The following MAPK8IP1 variants were observed in gnomAD, a reference collection of about 807,000 sequenced individuals.
The protein encoded by MAPK8IP1 is C-Jun-amino-terminal kinase-interacting protein 1.
A neutral mutation model predicts 72.6 loss-of-function variants in MAPK8IP1; 17 were observed. The observed-to-expected ratio is 0.23, with a 90% CI of 0.16 to 0.35. The LOEUF (loss-of-function observed/expected upper bound fraction) is 0.35. Ranked by LOEUF, MAPK8IP1 falls within the 10% of genes least tolerant of loss-of-function variation. MAPK8IP1 has a pLI of 1.00. For missense variants in MAPK8IP1, 789 were observed against 1,009.7 expected, an observed-to-expected ratio of 0.78 and a Z score of 2.96; for synonymous variants, 401 against 443.4, an observed-to-expected ratio of 0.90 and a Z score of 1.20.
Position 45,906,050 on chromosome 11 carries a change from C to T in MAPK8IP1, c.*329C>T. 1 of 492,400 alleles carries T rather than the reference C, an allele frequency of 2.0e-6. No homozygotes were observed. Among genetic ancestry groups the T allele is most frequent in the Non-Finnish European group, 3.7e-6 (1 of 270,978 alleles). 30.5% of individuals were successfully genotyped at this position (492,400 alleles called of 1,614,324 possible). Reference sequence around the variant, plus strand: ...CCTGCCCCATCCTGGGCCTTACCTCCCCTGCCAGGGCTCGGGCGCTGTGGC... The same window carrying T: ...CCTGCCCCATCCTGGGCCTTACCTCTCCTGCCAGGGCTCGGGCGCTGTGGC... On this transcript the variant is annotated 3_prime_UTR_variant, in exon 12 of 12. Transcript: ENST00000241014.
Position 45,902,679 on chromosome 11 carries a change from G to C in MAPK8IP1, c.912G>C (p.Glu304Asp). Residue 304 changes from glutamate (E) to aspartate (D), a missense_variant, in exon 5 of 12, where the codon GAG (glutamate) becomes GAC (aspartate). By Grantham distance (45) the Glu-to-Asp change is conservative. Around this residue, in one of 4 missense-constraint regions of MAPK8IP1, gnomAD observed 377 missense variants for 411.7 expected, o/e 0.92. Coordinates refer to ENST00000241014, the MANE Select transcript of MAPK8IP1 (RefSeq NM_005456.4). The surrounding 1 kb of genome is among the most constrained non-coding windows in gnomAD (Gnocchi z 9.3). The part of the protein sequence containing the change: ...EPTSAFLPPT[E>D]SRMSVSSDPD... ...CCTCCGCCTTCCTGCCGCCCACTGAGAGCCGGATGTCAGTCAGCTCCGATC... is the reference window on the plus strand; with the variant it reads ...CCTCCGCCTTCCTGCCGCCCACTGACAGCCGGATGTCAGTCAGCTCCGATC... 6.2e-7 allele frequency: 1 copy of C among 1,611,726 alleles called. No homozygotes were observed. Among genetic ancestry groups the C allele is most frequent in the Non-Finnish European group, 8.5e-7 (1 of 1,179,912 alleles).
In MAPK8IP1 at chr11:45,904,684, C is replaced by T. The variant is rs17847258; in HGVS notation, c.1777-34C>T. 1.1e-5 allele frequency: 18 copies of T among 1,608,764 alleles called. No homozygotes were observed. In the East Asian group the frequency reaches 2.0e-4, roughly 18 times the overall value. On this transcript the variant is annotated intron_variant, in intron 8 of 11. Transcript: ENST00000241014. The surrounding 1 kb of genome is among the most constrained non-coding windows in gnomAD (Gnocchi z 6.4). ...CAGGAGGGATCAGCAGAGGAACAGACAGCAGCTGACGTGGCTCCATTTGTC... is the reference window on the plus strand; with the variant it reads ...CAGGAGGGATCAGCAGAGGAACAGATAGCAGCTGACGTGGCTCCATTTGTC...
At chr11:45,887,599 A>G (rs1348462550) in intron 1 of MAPK8IP1, among the ~76,000 whole-genome samples, 3 of 152,238 alleles carry the variant, frequency 2.0e-5, no homozygotes, top group African/African-American at 7.2e-5. Flanking sequence ...CCTCTGGCCC[A>G]GTGGGCAGCT....
intron 2 of MAPK8IP1, among the ~76,000 whole-genome samples, chr11:45,899,353 T>A (rs1032740430): frequency 6.6e-6 from 1 of 152,198 alleles, no homozygotes; most frequent in Non-Finnish European, 1.5e-5. Context: ...GGTGTGCCCC[T>A]AAGGGGCCTC....
Position 45,904,942 on chromosome 11 carries a change from C to T in MAPK8IP1, c.1894-29C>T, listed in dbSNP as rs377680043. On this transcript the variant is annotated intron_variant, in intron 9 of 11. Coordinates refer to ENST00000241014, the MANE Select transcript of MAPK8IP1 (RefSeq NM_005456.4). The surrounding 1 kb of genome is among the most constrained non-coding windows in gnomAD (Gnocchi z 6.4). ...ACCCTCACTGCAGGCCAGGTGACCG[C>T]CCTCTTGCTTCTTTTCTCCCTCCTG... 3.7e-5 allele frequency: 60 copies of T among 1,610,544 alleles called. No homozygotes were observed. The highest frequency in any genetic ancestry group is 4.9e-5 in the Non-Finnish European group (58 of 1,176,794).
In MAPK8IP1 at chr11:45,905,150, G is replaced by C; in HGVS notation, c.1965-1G>C. ...CAGCACAGACAGACCTGTCCCTGCA[G>C]GTACTTTGGGTTCATCACCAAGCAC... is the stretch of plus-strand genomic sequence containing the variant. On this transcript the variant is annotated splice_acceptor_variant, in intron 10 of 11. Transcript: ENST00000241014. LOFTEE classifies it high-confidence loss of function. The C allele has an allele frequency of 6.2e-7, 1 of 1,613,854 alleles. No homozygotes were observed. The highest frequency in any genetic ancestry group is 8.5e-7 in the Non-Finnish European group (1 of 1,179,954).
rs918754901 is a variant in MAPK8IP1 at position 45,885,712 on chromosome 11, GC to G, written c.-106del. On this transcript the variant is annotated 5_prime_UTR_variant, in exon 1 of 12. Coordinates refer to ENST00000241014, the MANE Select transcript of MAPK8IP1 (RefSeq NM_005456.4). The stretch of plus-strand genomic sequence containing the variant: ...TGCCAGACACAGGTGCGCCCGCCTA[GC>G]CCGAACTCCGCGGCGGCGGCTGCCC... The G allele has an allele frequency of 3.4e-5, 18 of 534,320 alleles. No individual in the cohort carries two copies. The Middle Eastern group carries it at 2.2e-3, about 64-fold the overall frequency. 33.1% of individuals were successfully genotyped at this position (534,320 alleles called of 1,614,324 possible).
rs771322853 is a variant in MAPK8IP1 at position 45,904,491 on chromosome 11, G to A, written c.1703G>A (p.Arg568Gln). ...AKNSDWVDQF[R>Q]VKFLGSVQVP... ...AACAGTGACTGGGTGGACCAGTTCC[G>A]GGTGAAGTTCCTGGGCTCAGTCCAG... Residue 568 changes from arginine to glutamine, a missense_variant, in exon 8 of 12, where the codon CGG (arginine) becomes CAG (glutamine). By Grantham distance (43) the Arg-to-Gln change is conservative. Coordinates refer to ENST00000241014, the MANE Select transcript of MAPK8IP1 (RefSeq NM_005456.4). The surrounding 1 kb of genome is among the most constrained non-coding windows in gnomAD (Gnocchi z 6.4). 1.4e-5 allele frequency: 22 copies of A among 1,614,010 alleles called. No individual in the cohort carries two copies. Among genetic ancestry groups the A allele is most frequent in the Middle Eastern group, 1.6e-4 (1 of 6,062 alleles).
chr11:45,892,627 T>C (rs1384519643), intron 1 of MAPK8IP1, among the ~76,000 whole-genome samples: 2 of 151,894 alleles, frequency 1.3e-5, no homozygotes, highest in African/African-American at 4.8e-5. Flanking sequence ...ATGCTACTGC[T>C]TTGGGAGCTG....
At chr11:45,901,821 C>T (rs2086654979) in intron 3 of MAPK8IP1, 159 bp from the exon 4 acceptor site, 1 of 760,014 alleles carries the variant, frequency 1.3e-6, no homozygotes, top group Non-Finnish European at 2.4e-6. Context: ...CCCTTCCTGC[C>T]TGCTCCAGAG....
chr11:45,890,109 C>T (rs898601022), intron 1 of MAPK8IP1, among the ~76,000 whole-genome samples: 38 of 152,198 alleles, frequency 2.5e-4, no homozygotes, highest in Admixed American at 1.3e-3. Context: ...AAGGGTGTCA[C>T]TGGAGTGAAG....
In MAPK8IP1 at chr11:45,906,099, C is replaced by T; in HGVS notation, c.*378C>T. 7.1e-6 allele frequency: 3 copies of T among 421,944 alleles called. No individual in the cohort carries two copies. The highest frequency in any genetic ancestry group is 1.3e-5 in the Non-Finnish European group (3 of 229,064). 26.1% of individuals were successfully genotyped at this position (421,944 alleles called of 1,614,324 possible). ...GCTCCTGCCTTGATGAAGCCCGTGTCCTGCCTTGATGAAGCCTGTGCCACC... is the reference window on the plus strand; with the variant it reads ...GCTCCTGCCTTGATGAAGCCCGTGTTCTGCCTTGATGAAGCCTGTGCCACC... On this transcript the variant is annotated 3_prime_UTR_variant, in exon 12 of 12. Coordinates refer to ENST00000241014, the MANE Select transcript of MAPK8IP1 (RefSeq NM_005456.4).
Position 45,898,198 on chromosome 11 carries a change from CA to C in MAPK8IP1, c.207+10del. 1 of 1,602,732 alleles carries C rather than the reference CA, an allele frequency of 6.2e-7. No individual in the cohort carries two copies. Among genetic ancestry groups the C allele is most frequent in the Non-Finnish European group, 8.5e-7 (1 of 1,170,734 alleles). On this transcript the variant is annotated intron_variant, in intron 2 of 11. Coordinates refer to ENST00000241014, the MANE Select transcript of MAPK8IP1 (RefSeq NM_005456.4). ...GACACCCTGTCCTTACGGGTAAGGG[CA>C]AGCTCCCAGGAGCTCCTGAGTGGGG...
Position 45,885,763 on chromosome 11 carries a change from G to T in MAPK8IP1, c.-58G>T. On this transcript the variant is annotated 5_prime_UTR_variant, in exon 1 of 12. Transcript: ENST00000241014. ...CTCTCGCCGCGCCTCCGCCTCCTTC[G>T]CAGCCGCCGCCTCCTCCGCGCCGCG... 1 of 1,073,164 alleles carries T rather than the reference G, an allele frequency of 9.3e-7. No individual in the cohort carries two copies. The allele number at this position is 1,073,164 out of a possible 1,614,324, so 66.5% of individuals were successfully genotyped here. A position where few individuals can be genotyped will look rare whatever the true frequency, so the allele number is the denominator to read the frequency against.
At chr11:45,888,834 G>A (rs921954499) in intron 1 of MAPK8IP1, among the ~76,000 whole-genome samples, 4 of 152,022 alleles carry the variant, frequency 2.6e-5, no homozygotes, top group African/African-American at 9.7e-5. Context: ...CAAGTAGCTG[G>A]GATTACAGGT....
In MAPK8IP1 at chr11:45,885,929, T is replaced by C; in HGVS notation, c.101+8T>C. 6.8e-7 allele frequency: 1 copy of C among 1,461,688 alleles called. No individual in the cohort carries two copies. Among genetic ancestry groups the C allele is most frequent in the Non-Finnish European group, 9.1e-7 (1 of 1,101,410 alleles). 90.5% of individuals were successfully genotyped at this position (1,461,688 alleles called of 1,614,324 possible). Reference sequence around the variant, plus strand: ...TTCGCCTCCCAATTTCAGGTGAGAGTCCCCGGCCGCCGCGCGCCTCGCCCT... The same window carrying C: ...TTCGCCTCCCAATTTCAGGTGAGAGCCCCCGGCCGCCGCGCGCCTCGCCCT... On this transcript the variant is annotated splice_region_variant and intron_variant, in intron 1 of 11. Coordinates refer to ENST00000241014, the MANE Select transcript of MAPK8IP1 (RefSeq NM_005456.4).
Position 45,905,865 on chromosome 11 carries a change from G to T in MAPK8IP1, c.*144G>T. The stretch of plus-strand genomic sequence containing the variant: ...GTGGGGGCCGCTGGCCCAGGGTAGG[G>T]GAGGGTGGGGCAATGGGGAGAGGCA... On this transcript the variant is annotated 3_prime_UTR_variant, in exon 12 of 12. Coordinates refer to ENST00000241014, the MANE Select transcript of MAPK8IP1 (RefSeq NM_005456.4). The T allele has an allele frequency of 3.9e-6, 3 of 774,546 alleles. No homozygotes were observed. In the East Asian group the frequency reaches 7.3e-5, roughly 19 times the overall value. The allele number at this position is 774,546 out of a possible 1,614,324, so 48.0% of individuals were successfully genotyped here.
Position 45,905,259 on chromosome 11 carries a change from C to A in MAPK8IP1, c.2063+10C>A. ...TGGCAGAGTCCGTGGGGTACGTGTA[C>A]ACCCTGCTGAGCACCCAGCCCGAGG... On this transcript the variant is annotated intron_variant, in intron 11 of 11. Transcript: ENST00000241014. 1 of 1,609,948 alleles carries A rather than the reference C, an allele frequency of 6.2e-7. No individual in the cohort carries two copies. The highest frequency in any genetic ancestry group is 8.5e-7 in the Non-Finnish European group (1 of 1,178,566).
chr11:45,885,973 C>A, intron 1 of MAPK8IP1, 52 bp downstream of exon 1: 1 of 1,222,306 alleles, frequency 8.2e-7, no homozygotes, highest in Non-Finnish European at 1.1e-6. Context: ...GACTGATCCG[C>A]ATTGGCTGCC....
Sources: allele counts gnomAD v4.1 joint callset (sites outside exome capture counted in the v4.1 genomes callset), GRCh38; gene constraint gnomAD v4.1.1; regional missense constraint gnomAD v4.1.1; non-coding constraint Gnocchi (gnomAD v3.1); transcripts MANE v1.5; gene names NCBI Gene and HGNC (gene_info 2026-07-23, HGNC 2026-07-21).